Variants in LRRC43 observed in about 807,000 individuals in gnomAD.
LRRC43 encodes leucine-rich repeat-containing protein 43.
LRRC43 carries 62 observed loss-of-function variants against 64.3 expected under a neutral mutation model. The observed-to-expected ratio is 0.96, with a 90% CI of 0.79 to 1.19. The LOEUF is 1.19. Ranked by LOEUF, LRRC43 falls within the 50% of genes most tolerant of loss-of-function variation. LRRC43 has a pLI of 0.00. For missense variants in LRRC43, 868 were observed against 845.0 expected, an observed-to-expected ratio of 1.03 and a Z score of -0.34; for synonymous variants, 422 against 382.3, an observed-to-expected ratio of 1.10 and a Z score of -1.21.
intron 1 of LRRC43, among the ~76,000 whole-genome samples, chr12:122,171,173 T>C (rs1953482167): frequency 6.6e-6 from 1 of 152,034 alleles, no homozygotes; most frequent in Non-Finnish European, 1.5e-5. Flanking sequence ...GCGCCTGGCA[T>C]TGACAGCCTG....
intron 3 of LRRC43, chr12:122,187,492 T>C: frequency 1.9e-6 from 1 of 533,326 alleles, no homozygotes; most frequent in African/African-American, 1.9e-5. Context: ...TTGAAGTGTC[T>C]TTCACAAAAG....
chr12:122,172,838 T>C, intron 1 of LRRC43: 1 of 924,642 alleles, frequency 1.1e-6, no homozygotes, highest in Non-Finnish European at 1.6e-6. Flanking sequence ...ACCCGCCTCG[T>C]TGATATATTT....
At chr12:122,192,463 C>T (rs1393967854) in intron 6 of LRRC43, among the ~76,000 whole-genome samples, 7 of 152,334 alleles carry the variant, frequency 4.6e-5, no homozygotes, top group African/African-American at 1.7e-4. Flanking sequence ...CAACTCCTCC[C>T]ATCTCCCTCC....
chr12:122,187,153 C>T (rs1489924218), intron 3 of LRRC43, among the ~76,000 whole-genome samples: 1 of 151,992 alleles, frequency 6.6e-6, no homozygotes, highest in African/African-American at 2.4e-5. Flanking sequence ...ATCGCTTGAA[C>T]CCAGGAGGCG....
intron 3 of LRRC43, among the ~76,000 whole-genome samples, chr12:122,186,606 A>T (rs1197718427): frequency 6.6e-6 from 1 of 152,188 alleles, no homozygotes; most frequent in Non-Finnish European, 1.5e-5. Context: ...GTCTATAAAC[A>T]GATGAATGGA....
At chr12:122,181,013 C>T (rs907377008), upstream of LRRC43, among the ~76,000 whole-genome samples, 1 of 151,178 alleles carries the variant, frequency 6.6e-6, no homozygotes. Flanking sequence ...GTCAGGAATT[C>T]GAGACCAGCC....
rs764289368 is a variant in LRRC43 at position 122,191,565 on chromosome 12, G to A, written c.1087G>A (p.Glu363Lys). The change falls in exon 6 of 12, where the codon GAG (glutamate) becomes AAG (lysine). Residue 363 changes from glutamate (E) to lysine (K), a missense_variant and splice_region_variant. By Grantham distance (56) the Glu-to-Lys change is moderately conservative (BLOSUM62 1). Coordinates refer to ENST00000339777, the MANE Select transcript of LRRC43 (RefSeq NM_001098519.2). ...GAATGAGTCCGCGGGCGTCCTGGCC[G>A]AGGTGTGCCCTGGTCTGTCCCTAGG... ...EMNESAGVLA[E>K]IVKPSPSLEL... 4.4e-5 allele frequency: 71 copies of A among 1,613,428 alleles called. No individual in the cohort carries two copies. The highest frequency in any genetic ancestry group is 5.5e-5 in the Non-Finnish European group (65 of 1,179,666).
chr12:122,190,288 T>C lies in LRRC43; in HGVS notation c.821T>C (p.Leu274Pro), dbSNP rs1310192277. The change falls in exon 5 of 12, where the codon CTG (leucine) becomes CCG (proline). Residue 274 changes from leucine (L) to proline (P), a missense_variant. Transcript: ENST00000339777. ...TACCGCGGCCTCACCATCGACAGCCTGGCCCAGCTCTGCGTGCTGGACGAC... is the reference window on the plus strand; with the variant it reads ...TACCGCGGCCTCACCATCGACAGCCCGGCCCAGCTCTGCGTGCTGGACGAC... ...PYYRGLTIDS[L>P]AQLCVLDDIT... 3 of 1,614,166 alleles carry C rather than the reference T, an allele frequency of 1.9e-6. No individual in the cohort carries two copies. Among genetic ancestry groups the C allele is most frequent in the Admixed American group, 1.7e-5 (1 of 60,026 alleles).
intron 3 of LRRC43, among the ~76,000 whole-genome samples, chr12:122,187,083 T>C (rs1437575521): frequency 6.6e-6 from 1 of 150,950 alleles, no homozygotes; most frequent in Non-Finnish European, 1.5e-5. Flanking sequence ...ATACAAAAAT[T>C]AGCCAGGCGT....
intron 4 of LRRC43, among the ~76,000 whole-genome samples, chr12:122,189,751 C>G (rs945932128): frequency 1.3e-5 from 2 of 152,276 alleles, no homozygotes; most frequent in Non-Finnish European, 2.9e-5. Flanking sequence ...CACAACTCCC[C>G]CACGGTGGCT....
At chr12:122,201,028 G>GGATGGGGAGGAGGT (rs1953833278) in intron 10 of LRRC43, 94 bp downstream of exon 10, 10 of 1,425,608 alleles carry the variant, frequency 7.0e-6, no homozygotes, top group Non-Finnish European at 9.5e-6. Flanking sequence ...CCAGGTCACG[G>GGATGGGGAGGAGGT]GATGGGGAGG....
chr12:122,185,957 A>G (rs1953638408), intron 2 of LRRC43, among the ~76,000 whole-genome samples: 1 of 152,048 alleles, frequency 6.6e-6, no homozygotes, highest in South Asian at 2.1e-4. Flanking sequence ...GACACAGGTC[A>G]TTGGCCTAGA....
At chr12:122,183,779 G>A (rs11059675) in intron 1 of LRRC43, among the ~76,000 whole-genome samples, 66,271 of 151,936 alleles carry the variant, frequency 0.44, 14,826 homozygotes, top group East Asian at 0.68. Flanking sequence ...TCAACCACGA[G>A]GGGCGCCCAG....
Position 122,186,271 on chromosome 12 carries a change from G to A in LRRC43, c.493G>A (p.Asp165Asn). ...VLSANRIKEV[D>N]ATNLPPTLKV... ...GAGCGCCAATCGAATCAAGGAGGTGGATGCCACCAATCTGCCCCCCACACT... is the reference window on the plus strand; with the variant it reads ...GAGCGCCAATCGAATCAAGGAGGTGAATGCCACCAATCTGCCCCCCACACT... Residue 165 changes from aspartate to asparagine, a missense_variant, in exon 3 of 12, where the codon GAT (aspartate) becomes AAT (asparagine). Asp to Asn is a conservative substitution (Grantham distance 23, BLOSUM62 1). Transcript: ENST00000339777. 1 of 1,604,066 alleles carries A rather than the reference G, an allele frequency of 6.2e-7. No homozygotes were observed.
chr12:122,201,282 GTTCT>G lies in LRRC43; in HGVS notation c.1810-9_1810-6del, dbSNP rs1566014019. 5.6e-6 allele frequency: 9 copies of G among 1,613,864 alleles called. No individual in the cohort carries two copies. Among genetic ancestry groups the G allele is most frequent in the African/African-American group, 1.3e-5 (1 of 74,924 alleles). On this transcript the variant is annotated splice_polypyrimidine_tract_variant and intron_variant, in intron 10 of 11. Transcript: ENST00000339777. ...TCTCCAGTAAGCATCTCGTTTTGTGGTTCTTTCTCTCAGGATTCAAAGAAGATTA... is the reference window on the plus strand; with the variant it reads ...TCTCCAGTAAGCATCTCGTTTTGTGGTTCTCTCAGGATTCAAAGAAGATTA...
chr12:122,189,766 C>T (rs1417634166), intron 4 of LRRC43, among the ~76,000 whole-genome samples: 2 of 152,254 alleles, frequency 1.3e-5, no homozygotes, highest in African/African-American at 4.8e-5. Flanking sequence ...GTGGCTGTCC[C>T]CTGCTGTGCC....
intron 7 of LRRC43, among the ~76,000 whole-genome samples, chr12:122,196,759 C>CAA (rs63613560): frequency 2.9e-4 from 39 of 136,490 alleles, no homozygotes; most frequent in Middle Eastern, 3.7e-3. Context: ...GACTCTGTCT[C>CAA]AAAAAAAAAA....
Position 122,191,875 on chromosome 12 carries a change from A to G in LRRC43, c.1089+308A>G, listed in dbSNP as rs188549026. 3.3e-5 allele frequency among the ~76,000 whole-genome samples: 5 copies of G among 152,222 alleles called. No individual in the cohort carries two copies. The East Asian group carries it at 7.7e-4, about 24-fold the overall frequency. ...CACCTTGTTGACCAGGCTGGTCTGG[A>G]ACTCCTGAGCTCAAGTGATCCTCGG... On this transcript the variant is annotated intron_variant, in intron 6 of 11. Transcript: ENST00000339777.
rs373431727 is a variant in LRRC43 at position 122,183,239 on chromosome 12, G to A, written c.95G>A (p.Arg32His). The change falls in exon 1 of 12, where the codon CGC becomes CAC. Residue 32 changes from arginine to histidine, a missense_variant. Arg to His is a conservative substitution (Grantham distance 29, BLOSUM62 0). Transcript: ENST00000339777. The stretch of plus-strand genomic sequence containing the variant: ...ACCGGGACCGTGAGCGCGGCCGTGC[G>A]CGAGCACTTGCGGAAGCTGTGTCTG... ...PGTGTVSAAV[R>H]EHLRKLCLRE... is the part of the protein sequence containing the mutation. The A allele has an allele frequency of 2.0e-5, 32 of 1,570,068 alleles. No individual in the cohort carries two copies. The African/African-American group carries it at 4.1e-4, about 20-fold the overall frequency.
Sources: gnomAD v4.1 joint callset for allele counts (sites outside exome capture counted in the v4.1 genomes callset) on GRCh38, gnomAD v4.1.1 for gene constraint, MANE v1.5 for transcripts, NCBI Gene and HGNC (gene_info 2026-07-23, HGNC 2026-07-21) for gene names.